Variants in BAIAP2L1 observed in about 807,000 individuals in gnomAD.
BAIAP2L1 encodes BAR/IMD domain-containing adapter protein 2-like 1.
BAIAP2L1 carries 35 observed loss-of-function variants against 66.3 expected under a neutral mutation model. The observed-to-expected ratio is 0.53, with a 90% CI of 0.40 to 0.70. The LOEUF is 0.70. Ranked by LOEUF, BAIAP2L1 falls within the 30% of genes least tolerant of loss-of-function variation. The pLI is 0.00. For missense variants in BAIAP2L1, 622 were observed against 656.9 expected (o/e 0.95, Z 0.58); for synonymous variants, 269 against 248.7 (o/e 1.08, Z -0.77).
In BAIAP2L1 at chr7:98,401,075, C is replaced by A. The variant is rs1445988135; in HGVS notation, c.-223G>T. On this transcript the variant is annotated 5_prime_UTR_variant, in exon 1 of 14. Transcript: ENST00000005260. The stretch of plus-strand genomic sequence containing the variant: ...TCTTCGAGGAGCAGAGGAGAAGCGG[C>A]CGGACGCCGCCAGAGGAAGCTGGGC... 1.9e-5 allele frequency: 7 copies of A among 376,944 alleles called. No homozygotes were observed. The South Asian group carries it at 6.7e-4, about 36-fold the overall frequency. 23.3% of individuals were successfully genotyped at this position (376,944 alleles called of 1,614,324 possible). A position where few individuals can be genotyped will look rare whatever the true frequency, so the allele number is the denominator to read the frequency against.
At chr7:98,376,381 G>A (rs747110999) in intron 1 of BAIAP2L1, among the ~76,000 whole-genome samples, 20 of 151,930 alleles carry the variant, frequency 1.3e-4, no homozygotes, top group African/African-American at 3.4e-4. Flanking sequence ...GTGGCATGGC[G>A]TGTGCTTGTG....
chr7:98,349,712 C>CA lies in BAIAP2L1; in HGVS notation c.214+5329dup, dbSNP rs529602696. ...GCATGGTGAAACCCCATCTCTACTA[C>CA]AAAAAAAAAAAATACGGCCGGGGAT... On this transcript the variant is annotated intron_variant, in intron 3 of 13. Coordinates refer to ENST00000005260, the MANE Select transcript of BAIAP2L1 (RefSeq NM_018842.5). Among the ~76,000 whole-genome samples, 296 of 140,930 alleles carry CA rather than the reference C, an allele frequency of 2.1e-3. 2 individuals are homozygous for CA. Among genetic ancestry groups the CA allele is most frequent in the African/African-American group, 3.0e-3 (117 of 38,424 alleles). 92.5% of individuals were successfully genotyped at this position (140,930 alleles called of 152,430 possible). A position where few individuals can be genotyped will look rare whatever the true frequency, so the allele number is the denominator to read the frequency against.
rs1562796022 is a variant in BAIAP2L1, at chr7:98,393,136, CATAT to C, written c.51+7662_51+7665del. 9.7e-5 allele frequency among the ~76,000 whole-genome samples: 11 copies of C among 112,994 alleles called. No homozygotes were observed. The East Asian group carries it at 1.2e-3, about 13-fold the overall frequency. The allele number at this position is 112,994 out of a possible 152,430, so 74.1% of individuals were successfully genotyped here. On this transcript the variant is annotated intron_variant, in intron 1 of 13. Transcript: ENST00000005260. Reference sequence around the variant, plus strand: ...GTACACATATATGTATATATACACACATATGTGTACATATATATGTACACATATA... The same window carrying C: ...GTACACATATATGTATATATACACACGTGTACATATATATGTACACATATA...
intron 3 of BAIAP2L1, among the ~76,000 whole-genome samples, chr7:98,348,549 AGAGT>A (rs1271750082): frequency 9.3e-5 from 14 of 150,244 alleles, no homozygotes; most frequent in African/African-American, 3.0e-4. Flanking sequence ...CCTGGGCAAC[AGAGT>A]GAGACTCTGC....
At chr7:98,307,457 G>A (rs1296155186) in intron 10 of BAIAP2L1, 2 of 1,398,458 alleles carry the variant, frequency 1.4e-6, no homozygotes, top group Admixed American at 3.0e-5. Flanking sequence ...CTTTCAGACA[G>A]GTGACTTCAT....
At chr7:98,320,003 A>C in intron 5 of BAIAP2L1, 55 bp downstream of exon 5, 1 of 1,446,140 alleles carries the variant, frequency 6.9e-7, no homozygotes, top group East Asian at 2.3e-5. Context: ...AGTTCTCCCC[A>C]GGCTGGGAGG....
intron 1 of BAIAP2L1, among the ~76,000 whole-genome samples, chr7:98,370,528 A>G (rs1376895601): frequency 5.9e-5 from 9 of 151,896 alleles, no homozygotes; most frequent in Admixed American, 5.9e-4. Context: ...TTTTTGAGAC[A>G]GAGTCTCGCA....
chr7:98,324,801 T>C (rs1801337997), intron 3 of BAIAP2L1, among the ~76,000 whole-genome samples: 1 of 152,184 alleles, frequency 6.6e-6, no homozygotes, highest in African/African-American at 2.4e-5. Context: ...GTCATTGGAC[T>C]ATTAATATAT....
At position 98,401,089 on chromosome 7, in the gene BAIAP2L1, A is replaced by C. The variant is rs914405600; in HGVS notation, c.-237T>G. On this transcript the variant is annotated 5_prime_UTR_variant, in exon 1 of 14. Transcript: ENST00000005260. ...AGGAGAAGCGGCCGGACGCCGCCAG[A>C]GGAAGCTGGGCGGGCCGGGCGGCCC... is the stretch of plus-strand genomic sequence containing the variant. 10 of 345,744 alleles carry C rather than the reference A, an allele frequency of 2.9e-5. No individual in the cohort carries two copies. In the Admixed American group the frequency reaches 4.0e-4, roughly 14 times the overall value. 21.4% of individuals were successfully genotyped at this position (345,744 alleles called of 1,614,324 possible).
At chr7:98,320,905 G>C (rs1417383151) in intron 3 of BAIAP2L1, among the ~76,000 whole-genome samples, 2 of 152,350 alleles carry the variant, frequency 1.3e-5, no homozygotes, top group East Asian at 3.9e-4. Context: ...CACGCAGGCT[G>C]GAGTGCAGTG....
At chr7:98,312,052 T>A (rs538392421) in intron 8 of BAIAP2L1, 45 bp downstream of exon 8, 3 of 1,543,134 alleles carry the variant, frequency 1.9e-6, no homozygotes, top group East Asian at 2.3e-5. Flanking sequence ...CAGATCAAGT[T>A]AGGAAACACA....
At chr7:98,349,465 G>T (rs3801259) in intron 3 of BAIAP2L1, among the ~76,000 whole-genome samples, 1 of 152,144 alleles carries the variant, frequency 6.6e-6, no homozygotes, top group African/African-American at 2.4e-5. Flanking sequence ...AACTCCTGGC[G>T]TTTATGGTTG....
chr7:98,315,623 A>AC lies in BAIAP2L1; in HGVS notation c.487-12_487-11insG. 8.3e-7 allele frequency: 1 copy of AC among 1,207,740 alleles called. No individual in the cohort carries two copies. Among genetic ancestry groups the AC allele is most frequent in the Non-Finnish European group, 1.1e-6 (1 of 924,974 alleles). 74.8% of individuals were successfully genotyped at this position (1,207,740 alleles called of 1,614,324 possible). A position where few individuals can be genotyped will look rare whatever the true frequency, so the allele number is the denominator to read the frequency against. ...AACGGTCTCCACATACTAAAAAAAA[A>AC]AAAATAATAATAATAATAATTATAT... On this transcript the variant is annotated splice_polypyrimidine_tract_variant and intron_variant, in intron 6 of 13. Transcript: ENST00000005260.
chr7:98,295,151 C>A (rs1253910992), intron 12 of BAIAP2L1, among the ~76,000 whole-genome samples: 2 of 152,236 alleles, frequency 1.3e-5, no homozygotes, highest in African/African-American at 4.8e-5. Context: ...ATGCCCGATG[C>A]CAGCGCTAGA....
chr7:98,391,974 T>A (rs1803055899), intron 1 of BAIAP2L1, among the ~76,000 whole-genome samples: 1 of 152,046 alleles, frequency 6.6e-6, no homozygotes. Flanking sequence ...ATGGTACACA[T>A]GCTTAAATAC....
At chr7:98,362,181 T>C (rs1802281617) in intron 2 of BAIAP2L1, among the ~76,000 whole-genome samples, 176 bp downstream of exon 2, 1 of 152,226 alleles carries the variant, frequency 6.6e-6, no homozygotes, top group African/African-American at 2.4e-5. Flanking sequence ...AATTGACTTG[T>C]TTCAAATACG....
chr7:98,306,536 A>G lies in BAIAP2L1; in HGVS notation c.1164-20T>C. 8 of 1,614,108 alleles carry G rather than the reference A, an allele frequency of 5.0e-6. No individual in the cohort carries two copies. Among genetic ancestry groups the G allele is most frequent in the Non-Finnish European group, 6.8e-6 (8 of 1,179,996 alleles). Reference sequence around the variant, plus strand: ...CCCCTCCTACCGGCAAAGAGGGAGAAAAGACCCTATCAGCAGTAGACATGT... The same window carrying G: ...CCCCTCCTACCGGCAAAGAGGGAGAGAAGACCCTATCAGCAGTAGACATGT... On this transcript the variant is annotated intron_variant, in intron 10 of 13. Coordinates refer to ENST00000005260, the MANE Select transcript of BAIAP2L1 (RefSeq NM_018842.5).
At chr7:98,347,872 C>A (rs149418252) in intron 3 of BAIAP2L1, among the ~76,000 whole-genome samples, 1,793 of 152,162 alleles carry the variant, frequency 0.012, 37 homozygotes, top group African/African-American at 0.041. Flanking sequence ...CCATCATTCT[C>A]AGGAAACTAA....
chr7:98,333,208 C>T lies in BAIAP2L1; in HGVS notation c.215-12910G>A, dbSNP rs1445340198. Among the ~76,000 whole-genome samples, 4 of 152,320 alleles carry T rather than the reference C, an allele frequency of 2.6e-5. No individual in the cohort carries two copies. The South Asian group carries it at 8.3e-4, about 32-fold the overall frequency. On this transcript the variant is annotated intron_variant, in intron 3 of 13. Transcript: ENST00000005260. ...TAGACTTGTTTATCTGTCCACCCCACTAGAATGTTAGTTCCCTGATGGCAG... is the reference window on the plus strand; with the variant it reads ...TAGACTTGTTTATCTGTCCACCCCATTAGAATGTTAGTTCCCTGATGGCAG...
Sources: allele counts gnomAD v4.1 joint callset (sites outside exome capture counted in the v4.1 genomes callset), GRCh38; gene constraint gnomAD v4.1.1; transcripts MANE v1.5; gene names NCBI Gene and HGNC (gene_info 2026-07-23, HGNC 2026-07-21).